ABLIM1: variants seen among roughly 807,000 people sequenced by gnomAD.
The protein encoded by ABLIM1 is actin binding LIM protein 1.
ABLIM1 carries 40 observed loss-of-function variants against 107.0 expected under a neutral mutation model. The observed-to-expected ratio is 0.37, with a 90% CI of 0.29 to 0.49. The LOEUF is 0.49. ABLIM1 is among the 20% of genes least tolerant of loss of function. The pLI, the probability that ABLIM1 is intolerant of heterozygous loss-of-function variation, is 0.97. For synonymous variants in ABLIM1, 357 were observed against 357.3 expected, an observed-to-expected ratio of 1.00 and a Z score of 0.01; for missense variants, 857 against 1,008.5, an observed-to-expected ratio of 0.85 and a Z score of 2.04.
At chr10:114,469,921 T>C (rs874693) in intron 10 of ABLIM1, among the ~76,000 whole-genome samples, 40,808 of 152,154 alleles carry the variant, frequency 0.27, 5,722 homozygotes, top group Middle Eastern at 0.33. Context: ...CCACATTCTA[T>C]AGTAAGTGGG....
chr10:114,770,379 C>A (rs1341740365), upstream of ABLIM1, among the ~76,000 whole-genome samples: 1 of 152,134 alleles, frequency 6.6e-6, no homozygotes, highest in African/African-American at 2.4e-5. Context: ...GCTTTCCTAC[C>A]TTGCCAGTGC....
At chr10:114,455,931 C>A (rs1291451726) in intron 12 of ABLIM1, among the ~76,000 whole-genome samples, 1 of 151,988 alleles carries the variant, frequency 6.6e-6, no homozygotes, top group Non-Finnish European at 1.5e-5. Flanking sequence ...TCCCGCCTCA[C>A]CCTCCTGAGT....
At chr10:114,793,882 C>T in the ABLIM1 span, among the ~76,000 whole-genome samples, 1 of 152,200 alleles carries the variant, frequency 6.6e-6, no homozygotes, top group Non-Finnish European at 1.5e-5. Flanking sequence ...ATTCTGGCAC[C>T]CTCTCCATCT....
chr10:114,794,495 AC>A, the ABLIM1 span, among the ~76,000 whole-genome samples: 14 of 152,248 alleles, frequency 9.2e-5, no homozygotes, highest in South Asian at 2.9e-3. Context: ...AAAGGAATTT[AC>A]AAATGTAAGT....
At chr10:114,747,208 T>C (rs2082402738) in intron 1 of ABLIM1, among the ~76,000 whole-genome samples, 1 of 152,194 alleles carries the variant, frequency 6.6e-6, no homozygotes, top group Admixed American at 6.5e-5. Flanking sequence ...ATGAACAGTC[T>C]AGCTTGACTT....
At chr10:114,751,078 G>C (rs1043866726) in intron 1 of ABLIM1, among the ~76,000 whole-genome samples, 6 of 152,082 alleles carry the variant, frequency 3.9e-5, no homozygotes, top group Non-Finnish European at 7.4e-5. Flanking sequence ...AACAAGTGCT[G>C]CTTGGAATGT....
At chr10:114,498,530 C>T (rs1303876407) in intron 6 of ABLIM1, among the ~76,000 whole-genome samples, 2 of 152,222 alleles carry the variant, frequency 1.3e-5, no homozygotes, top group African/African-American at 4.8e-5. Context: ...GGACTGCTGA[C>T]AGTCCCTTTT....
intron 2 of ABLIM1, among the ~76,000 whole-genome samples, chr10:114,589,357 C>T (rs528686344): frequency 3.5e-4 from 53 of 151,020 alleles, no homozygotes; most frequent in Admixed American, 8.6e-4. Flanking sequence ...TGGTGAAACC[C>T]GTCTCTCCTA....
At chr10:114,603,850 G>A (rs1025513707) in intron 1 of ABLIM1, among the ~76,000 whole-genome samples, 2 of 151,614 alleles carry the variant, frequency 1.3e-5, no homozygotes, top group Non-Finnish European at 2.9e-5. Flanking sequence ...CTACTCAGGG[G>A]GCTGAGGCAG....
chr10:114,593,822 C>T (rs1335450719), intron 2 of ABLIM1, among the ~76,000 whole-genome samples: 2 of 152,176 alleles, frequency 1.3e-5, no homozygotes, highest in African/African-American at 4.8e-5. Context: ...GATTACAAGA[C>T]CTTACCCTGT....
At chr10:114,779,753 G>A in the ABLIM1 span, 1 of 152,006 alleles carries the variant, frequency 6.6e-6, no homozygotes, top group Admixed American at 6.6e-5. Context: ...TATAGTTTAG[G>A]TAACCATTTT....
At chr10:114,595,374 T>G (rs956763152) in intron 2 of ABLIM1, among the ~76,000 whole-genome samples, 5 of 152,296 alleles carry the variant, frequency 3.3e-5, no homozygotes, top group African/African-American at 1.2e-4. Flanking sequence ...CACATTCAAA[T>G]CCAAATAGAG....
chr10:114,683,940 G>T (rs1364535882), intron 1 of ABLIM1, among the ~76,000 whole-genome samples: 1 of 152,008 alleles, frequency 6.6e-6, no homozygotes, highest in Non-Finnish European at 1.5e-5. Flanking sequence ...AAAATGCCCA[G>T]AAATAGGATC....
At chr10:114,546,202 C>T (rs1027054978) in intron 5 of ABLIM1, among the ~76,000 whole-genome samples, 3 of 152,058 alleles carry the variant, frequency 2.0e-5, no homozygotes, top group African/African-American at 7.2e-5. Context: ...GTTACCCACC[C>T]CCGCATAGCT....
At chr10:114,449,230 G>C (rs2061495255) in intron 14 of ABLIM1, among the ~76,000 whole-genome samples, 1 of 152,200 alleles carries the variant, frequency 6.6e-6, no homozygotes, top group African/African-American at 2.4e-5. Context: ...GACAGTCCCT[G>C]ATTCTGGCTA....
At chr10:114,615,429 C>A (rs558715828) in intron 1 of ABLIM1, 3 of 352,296 alleles carry the variant, frequency 8.5e-6, no homozygotes, top group South Asian at 6.6e-5. Context: ...TGAGACTTCT[C>A]CCTGAACTAC....
At chr10:114,798,743 T>TA in the ABLIM1 span, among the ~76,000 whole-genome samples, 1 of 152,052 alleles carries the variant, frequency 6.6e-6, no homozygotes, top group Non-Finnish European at 1.5e-5. Context: ...CCTGTCTCTA[T>TA]AAAAAACAAA....
chr10:114,509,660 T>C (rs1469014529), intron 6 of ABLIM1, among the ~76,000 whole-genome samples: 4 of 152,234 alleles, frequency 2.6e-5, no homozygotes, highest in Admixed American at 6.5e-5. Flanking sequence ...TGGCATTCAA[T>C]ACCCTCTGCA....
At chr10:114,526,995 GAGT>G (rs1311194888) in intron 6 of ABLIM1, 4 of 983,152 alleles carry the variant, frequency 4.1e-6, no homozygotes, top group African/African-American at 3.5e-5. Context: ...AAAGGAGGGG[GAGT>G]AGATTTACTT....
Sources: gnomAD v4.1 joint callset for allele counts (sites outside exome capture counted in the v4.1 genomes callset) on GRCh38, gnomAD v4.1.1 for gene constraint, MANE v1.5 for transcripts, NCBI Gene and HGNC (gene_info 2026-07-23, HGNC 2026-07-21) for gene names.